The following DLC1 variants were observed in gnomAD, a reference collection of about 807,000 sequenced individuals.
DLC1 encodes the protein rho GTPase-activating protein 7.
Under a neutral mutation model 140.3 loss-of-function variants are expected in DLC1, and 54 were observed. The observed-to-expected ratio is 0.38, with a 90% CI of 0.31 to 0.48. The LOEUF (loss-of-function observed/expected upper bound fraction) is 0.48. Ranked by LOEUF, DLC1 falls within the 20% of genes least tolerant of loss-of-function variation. The pLI is 0.96. For missense variants in DLC1, 2,536 were observed against 1,907.0 expected (o/e 1.33, Z -6.14); for synonymous variants, 986 against 728.1 (o/e 1.35, Z -5.70).
chr8:13,366,473 A>T (rs1417372603), intron 4 of DLC1, among the ~76,000 whole-genome samples: 1 of 152,158 alleles, frequency 6.6e-6, no homozygotes, highest in East Asian at 1.9e-4. Flanking sequence ...ACTATGAGTG[A>T]TATTCTAGCC....
intron 4 of DLC1, among the ~76,000 whole-genome samples, chr8:13,351,551 C>T (rs1161115628): frequency 1.3e-5 from 2 of 152,126 alleles, no homozygotes; most frequent in Non-Finnish European, 2.9e-5. Flanking sequence ...CCATAAAAAT[C>T]ACAGAAAATA....
At chr8:13,095,039 TA>T (rs1563578746) in intron 11 of DLC1, 46 bp downstream of exon 11, 1 of 1,613,474 alleles carries the variant, frequency 6.2e-7, no homozygotes, top group East Asian at 2.2e-5. Context: ...AAGCTGCATG[TA>T]ATCCGAGCTC....
chr8:13,361,296 T>C (rs776817221), intron 4 of DLC1, among the ~76,000 whole-genome samples: 50 of 152,038 alleles, frequency 3.3e-4, no homozygotes, highest in Non-Finnish European at 1.9e-4. Flanking sequence ...TCGTGCAGGC[T>C]GGAGTGAAAT....
At chr8:13,593,810 A>T (rs7828829) in intron 1 of DLC1, among the ~76,000 whole-genome samples, 1 of 151,894 alleles carries the variant, frequency 6.6e-6, no homozygotes, top group Non-Finnish European at 1.5e-5. Flanking sequence ...TCAATTTCGC[A>T]CATCCTTGAG....
chr8:13,427,615 T>G (rs375779705), intron 2 of DLC1, among the ~76,000 whole-genome samples: 4 of 152,164 alleles, frequency 2.6e-5, no homozygotes, highest in East Asian at 1.9e-4. Context: ...CATGGGATAA[T>G]TGGTCCCCCT....
At chr8:13,131,147 C>T (rs1317328474) in intron 5 of DLC1, among the ~76,000 whole-genome samples, 1 of 152,204 alleles carries the variant, frequency 6.6e-6, no homozygotes, top group African/African-American at 2.4e-5. Context: ...CCATCTGCTG[C>T]CGTCTGCAAG....
chr8:13,378,737 A>T (rs1836110915), intron 4 of DLC1, among the ~76,000 whole-genome samples: 1 of 152,168 alleles, frequency 6.6e-6, no homozygotes, highest in Non-Finnish European at 1.5e-5. Context: ...AACTTCCGTT[A>T]TGTGCCTAAC....
intron 5 of DLC1, among the ~76,000 whole-genome samples, chr8:13,279,545 T>A (rs186101448): frequency 6.6e-6 from 1 of 152,338 alleles, no homozygotes; most frequent in African/African-American, 2.4e-5. Context: ...CTAAGCATTT[T>A]TGAGCAAGGC....
intron 5 of DLC1, chr8:13,214,527 T>C (rs1267601086): frequency 8.8e-6 from 6 of 685,568 alleles, no homozygotes; most frequent in Non-Finnish European, 1.6e-5. Flanking sequence ...CACATCTTAC[T>C]GAAGAGCTGT....
chr8:13,530,296 C>T (rs1803053794), intron 1 of DLC1, among the ~76,000 whole-genome samples: 1 of 152,110 alleles, frequency 6.6e-6, no homozygotes, highest in African/African-American at 2.4e-5. Context: ...TCCATTAGTA[C>T]AGCCATTTCT....
intron 2 of DLC1, among the ~76,000 whole-genome samples, chr8:13,410,861 A>G (rs1428545761): frequency 6.6e-6 from 1 of 152,218 alleles, no homozygotes; most frequent in Non-Finnish European, 1.5e-5. Context: ...GCAGAGGCGC[A>G]TAATCATCAC....
chr8:13,105,827 C>G (rs1183784267), intron 7 of DLC1, among the ~76,000 whole-genome samples: 2 of 152,298 alleles, frequency 1.3e-5, no homozygotes, highest in African/African-American at 4.8e-5. Flanking sequence ...ATCCGCTCAT[C>G]TCGGCCTCCC....
intron 10 of DLC1, chr8:13,095,560 C>T (rs757658357): frequency 4.9e-5 from 14 of 287,636 alleles, no homozygotes; most frequent in Admixed American, 2.2e-4. Context: ...AGGTCCGTTT[C>T]CTCAGTTAGG....
At chr8:13,105,752 T>G (rs1227238252) in intron 7 of DLC1, among the ~76,000 whole-genome samples, 1 of 152,050 alleles carries the variant, frequency 6.6e-6, no homozygotes. Context: ...TAATTTTTTG[T>G]ATTTTTAGTA....
chr8:13,478,662 C>T (rs1800548224), intron 2 of DLC1, among the ~76,000 whole-genome samples: 1 of 152,210 alleles, frequency 6.6e-6, no homozygotes, highest in African/African-American at 2.4e-5. Context: ...CTAGAACTGT[C>T]TCTCCTCAGG....
At chr8:13,295,330 C>T (rs1179372025) in intron 5 of DLC1, among the ~76,000 whole-genome samples, 1 of 152,168 alleles carries the variant, frequency 6.6e-6, no homozygotes, top group Admixed American at 6.5e-5. Context: ...CATCAGCACT[C>T]TTTAGTGAGT....
chr8:13,504,759 A>G (rs1801977402), intron 1 of DLC1, among the ~76,000 whole-genome samples: 1 of 152,210 alleles, frequency 6.6e-6, no homozygotes, highest in Non-Finnish European at 1.5e-5. Context: ...CCTTAAAATT[A>G]TATGAAAAGT....
chr8:13,382,795 A>G (rs760008026), intron 4 of DLC1, among the ~76,000 whole-genome samples: 4 of 152,192 alleles, frequency 2.6e-5, no homozygotes, highest in Non-Finnish European at 4.4e-5. Context: ...AATTTTTGAA[A>G]GATACTTCAC....
rs150228053 is a variant in DLC1 at position 13,389,026 on chromosome 8, T to C, written c.1314+4527A>G. Among the ~76,000 whole-genome samples the C allele has an allele frequency of 3.6e-4, 55 of 152,192 alleles. No homozygotes were observed. The East Asian group carries it at 0.01, about 28-fold the overall frequency. On this transcript the variant is annotated intron_variant, in intron 4 of 17. Transcript: ENST00000276297. ...CTGTAAAGTATAGCGTTCAGGAGCA[T>C]TGAGGATCTGGGTGCCATATCCTGT...
Sources: allele counts gnomAD v4.1 joint callset (sites outside exome capture counted in the v4.1 genomes callset), GRCh38; gene constraint gnomAD v4.1.1; transcripts MANE v1.5; gene names NCBI Gene and HGNC (gene_info 2026-07-23, HGNC 2026-07-21).